Variants in PLEKHH1 observed in about 807,000 individuals in gnomAD.
PLEKHH1 encodes pleckstrin homology, MyTH4 and FERM domain containing H1.
PLEKHH1 carries 104 observed loss-of-function variants against 160.0 expected under a neutral mutation model. The observed-to-expected ratio is 0.65, with a 90% CI of 0.55 to 0.76. PLEKHH1 has a LOEUF of 0.76. Ranked by LOEUF, PLEKHH1 falls within the 30% of genes least tolerant of loss-of-function variation. The pLI, the probability that PLEKHH1 is intolerant of heterozygous loss-of-function variation, is 0.00. For missense variants in PLEKHH1, 1,427 were observed against 1,724.1 expected (o/e 0.83, Z 3.05); for synonymous variants, 619 against 678.4 (o/e 0.91, Z 1.36).
intron 7 of PLEKHH1, among the ~76,000 whole-genome samples, chr14:67,567,253 A>G (rs777991011): frequency 6.0e-4 from 91 of 152,188 alleles, no homozygotes; most frequent in Non-Finnish European, 9.7e-4. Flanking sequence ...CGGTGGGGGA[A>G]TGAAATGTCA....
intron 1 of PLEKHH1, among the ~76,000 whole-genome samples, chr14:67,538,829 G>A (rs780968928): frequency 4.6e-5 from 7 of 152,244 alleles, no homozygotes; most frequent in Admixed American, 1.3e-4. Context: ...ATGATGTTAC[G>A]GAGATGCTTG....
At chr14:67,579,944 C>T in intron 22 of PLEKHH1, 68 bp downstream of exon 22, 1 of 1,412,658 alleles carries the variant, frequency 7.1e-7, no homozygotes, top group South Asian at 1.3e-5. Flanking sequence ...GGGAAAGAGC[C>T]CATCTGATGG....
intron 23 of PLEKHH1, among the ~76,000 whole-genome samples, chr14:67,581,261 C>A (rs938604378): frequency 7.1e-6 from 1 of 140,510 alleles, no homozygotes; most frequent in Non-Finnish European, 1.6e-5. Flanking sequence ...ACTGCGTGTG[C>A]GTGTGTGTAT....
rs746844163 is a variant in PLEKHH1 at position 67,585,628 on chromosome 14, G to A, written c.3760G>A (p.Val1254Ile). ...LVWIAVNEDG[V>I]SILDHNTMQV... is the part of the protein sequence containing the mutation. Reference sequence around the variant, plus strand: ...GTGGATTGCTGTGAATGAGGATGGCGTCAGCATCCTGGACCACAACACTAT... The same window carrying A: ...GTGGATTGCTGTGAATGAGGATGGCATCAGCATCCTGGACCACAACACTAT... The change falls in exon 27 of 29, where the codon GTC (valine) becomes ATC (isoleucine). Residue 1254 changes from valine (V) to isoleucine (I), a missense_variant. This residue lies in a region of PLEKHH1 where 56 missense variants were observed against 53.0 expected (regional missense o/e 1.06). Transcript: ENST00000329153. 5.1e-6 allele frequency: 8 copies of A among 1,578,074 alleles called. No individual in the cohort carries two copies. Among genetic ancestry groups the A allele is most frequent in the African/African-American group, 2.7e-5 (2 of 74,130 alleles).
intron 8 of PLEKHH1, 59 bp downstream of exon 8, chr14:67,569,275 C>G (rs371383908): frequency 1.6e-6 from 2 of 1,268,230 alleles, no homozygotes; most frequent in Middle Eastern, 1.9e-4. Context: ...GGTGGGCAAG[C>G]GGGGAGGAGA....
At chr14:67,566,564 GC>G (rs35327725) in intron 7 of PLEKHH1, among the ~76,000 whole-genome samples, 18,003 of 152,040 alleles carry the variant, frequency 0.12, 1,401 homozygotes, top group East Asian at 0.27. Context: ...GGGCAACACG[GC>G]GAAACCCCAT....
chr14:67,573,266 C>T lies in PLEKHH1; in HGVS notation c.1729-10C>T, dbSNP rs1398145155. ...TCCCCTTTCTTCATCTACACCCTTC[C>T]ACCCCTCAGGAGTCACTGGAGAAGT... On this transcript the variant is annotated splice_polypyrimidine_tract_variant and intron_variant, in intron 11 of 28. Transcript: ENST00000329153. This position sits in a 1 kb window ranked among gnomAD's most constrained non-coding sequence, Gnocchi z 4.8. 2 of 1,571,386 alleles carry T rather than the reference C, an allele frequency of 1.3e-6. No homozygotes were observed. The highest frequency in any genetic ancestry group is 1.3e-5 in the African/African-American group (1 of 74,124).
At chr14:67,585,700 C>A in intron 27 of PLEKHH1, 46 bp downstream of exon 27, 1 of 1,358,586 alleles carries the variant, frequency 7.4e-7, no homozygotes, top group Non-Finnish European at 1.0e-6. Flanking sequence ...TCTTCCTCAA[C>A]ATGGTCTTTT....
rs1051916786 is a variant in PLEKHH1, at chr14:67,588,907, C to T, written c.*1672C>T. ...TGAAAAAAGAAGCACATCCAAGTTT[C>T]TGCCTCTTTTAAATGTACTTGACTT... On this transcript the variant is annotated 3_prime_UTR_variant, in exon 29 of 29. Coordinates refer to ENST00000329153, the MANE Select transcript of PLEKHH1 (RefSeq NM_020715.3). The T allele has an allele frequency of 2.0e-5, 3 of 152,610 alleles. No individual in the cohort carries two copies. Among genetic ancestry groups the T allele is most frequent in the African/African-American group, 7.2e-5 (3 of 41,440 alleles). The allele number at this position is 152,610 out of a possible 1,614,324, so 9.5% of individuals were successfully genotyped here.
intron 18 of PLEKHH1, 62 bp from the exon 19 acceptor site, chr14:67,577,961 C>A: frequency 6.7e-7 from 1 of 1,493,966 alleles, no homozygotes; most frequent in Non-Finnish European, 9.2e-7. Context: ...ATGGCCAAGC[C>A]GTTGAGTTCT....
rs1446015350 is a variant in PLEKHH1, at chr14:67,579,238, T to C, written c.2954T>C (p.Ile985Thr). The C allele has an allele frequency of 1.9e-6, 3 of 1,609,464 alleles. No individual in the cohort carries two copies. In the Admixed American group the frequency reaches 5.1e-5, roughly 27 times the overall value. Residue 985 changes from isoleucine to threonine, a missense_variant, in exon 21 of 29, where the codon ATC becomes ACC. Ile to Thr is a moderately conservative substitution (Grantham distance 89). Around this residue, in one of 6 missense-constraint regions of PLEKHH1, gnomAD observed 436 missense variants for 607.5 expected, o/e 0.72. Transcript: ENST00000329153. ...CCATCGCGCATGGAAGTGGTGTCCA[T>C]CCTGCTGCGTAACCCCTTCCACCAC... ...ARPSRMEVVS[I>T]LLRNPFHHSL...
chr14:67,535,108 T>G (rs1304742498), intron 1 of PLEKHH1, among the ~76,000 whole-genome samples: 1 of 152,230 alleles, frequency 6.6e-6, no homozygotes, highest in Non-Finnish European at 1.5e-5. Flanking sequence ...GAGTACAGTG[T>G]GTATGGTGGG....
intron 7 of PLEKHH1, among the ~76,000 whole-genome samples, chr14:67,563,111 G>T (rs967019870): frequency 3.9e-5 from 6 of 152,190 alleles, no homozygotes; most frequent in African/African-American, 1.4e-4. Flanking sequence ...GTCATTTCCT[G>T]AGTGCTCACC....
At position 67,570,029 on chromosome 14, in the gene PLEKHH1, C is replaced by A; in HGVS notation, c.1434+17C>A. On this transcript the variant is annotated intron_variant, in intron 9 of 28. Transcript: ENST00000329153. ...CTGAAGGGGGTAAGAAACTGCTGCA[C>A]AAAGAGGGGGTGTCTCATCAGGAAA... The A allele has an allele frequency of 1.3e-6, 2 of 1,500,412 alleles. No homozygotes were observed. Among genetic ancestry groups the A allele is most frequent in the Non-Finnish European group, 1.8e-6 (2 of 1,085,810 alleles). The allele number at this position is 1,500,412 out of a possible 1,614,324, so 92.9% of individuals were successfully genotyped here.
At position 67,564,696 on chromosome 14, in the gene PLEKHH1, T is replaced by C. The variant is rs1176644948; in HGVS notation, c.1263+1802T>C. Among the ~76,000 whole-genome samples the C allele has an allele frequency of 3.3e-5, 5 of 151,374 alleles. No homozygotes were observed. The East Asian group carries it at 9.7e-4, about 29-fold the overall frequency. On this transcript the variant is annotated intron_variant, in intron 7 of 28. Coordinates refer to ENST00000329153, the MANE Select transcript of PLEKHH1 (RefSeq NM_020715.3). ...TGACATTTTTTTTTTCTTTTCCTTTTTTTTTTTTGAGACAGAGTCTTGCTC... is the reference window on the plus strand; with the variant it reads ...TGACATTTTTTTTTTCTTTTCCTTTCTTTTTTTTGAGACAGAGTCTTGCTC...
At chr14:67,552,590 AC>A (rs1566731130) in intron 2 of PLEKHH1, among the ~76,000 whole-genome samples, 2 of 151,854 alleles carry the variant, frequency 1.3e-5, no homozygotes, top group East Asian at 3.9e-4. Context: ...ACACGGTGAA[AC>A]CCCGTCTCTT....
intron 2 of PLEKHH1, among the ~76,000 whole-genome samples, chr14:67,542,692 T>C (rs1020117780): frequency 6.6e-5 from 10 of 152,138 alleles, no homozygotes; most frequent in African/African-American, 1.9e-4. Context: ...TATTTTATTT[T>C]ATTTTATTTT....
Position 67,575,854 on chromosome 14 carries a change from C to T in PLEKHH1, c.2201C>T (p.Ala734Val), listed in dbSNP as rs753482523. The change falls in exon 16 of 29, where the codon GCG becomes GTG. Residue 734 changes from alanine (A) to valine (V), a missense_variant. Around this residue, in one of 6 missense-constraint regions of PLEKHH1, gnomAD observed 831 missense variants for 929.2 expected, o/e 0.89. Coordinates refer to ENST00000329153, the MANE Select transcript of PLEKHH1 (RefSeq NM_020715.3). ...CTGGGCTGCCTGCCTGTGCGGGATG[C>T]GCACATAGAGGAAGTAGATCGATCC... Reference protein sequence around the residue: ...RPLGCLPVRDAHIEEVDRSCD... With the variant: ...RPLGCLPVRDVHIEEVDRSCD... The T allele has an allele frequency of 1.3e-5, 21 of 1,613,640 alleles. No homozygotes were observed. Among genetic ancestry groups the T allele is most frequent in the African/African-American group, 4.0e-5 (3 of 74,928 alleles).
intron 2 of PLEKHH1, among the ~76,000 whole-genome samples, chr14:67,543,600 A>T (rs60363670): frequency 2.0e-5 from 3 of 152,154 alleles, no homozygotes; most frequent in South Asian, 4.1e-4. Flanking sequence ...TGCATGTTTA[A>T]CAAGCGTCCA....
Sources: allele counts gnomAD v4.1 joint callset (sites outside exome capture counted in the v4.1 genomes callset), GRCh38; gene constraint gnomAD v4.1.1; regional missense constraint gnomAD v4.1.1; non-coding constraint Gnocchi (gnomAD v3.1); transcripts MANE v1.5; gene names NCBI Gene and HGNC (gene_info 2026-07-23, HGNC 2026-07-21).